ESCO2: variants seen among roughly 807,000 people sequenced by gnomAD.
The protein encoded by ESCO2 is establishment of sister chromatid cohesion N-acetyltransferase 2.
In ESCO2, 51 loss-of-function variants were observed where a neutral mutation model predicts 61.7. That is an observed-to-expected ratio of 0.83 (90% CI 0.66 to 1.04). ESCO2 has a LOEUF of 1.04. Among genes scored for constraint, ESCO2 ranks in the 50% least tolerant of loss-of-function variants. ESCO2 has a pLI of 0.00. For synonymous variants in ESCO2, 230 were observed against 238.2 expected, an observed-to-expected ratio of 0.97 and a Z score of 0.32; for missense variants, 692 against 686.2, an observed-to-expected ratio of 1.01 and a Z score of -0.09.
chr8:27,794,375 CAT>C (rs934194124), intron 9 of ESCO2, among the ~76,000 whole-genome samples: 3 of 152,114 alleles, frequency 2.0e-5, no homozygotes, highest in African/African-American at 2.4e-5. Context: ...AGCATTTTTT[CAT>C]ATGTCTGTTC....
Position 27,775,556 on chromosome 8 carries a change from G to T in ESCO2, c.42G>T (p.Leu14Phe). The T allele has an allele frequency of 6.2e-7, 1 of 1,614,142 alleles. No individual in the cohort carries two copies. Among genetic ancestry groups the T allele is most frequent in the Non-Finnish European group, 8.5e-7 (1 of 1,179,994 alleles). Residue 14 changes from leucine (L) to phenylalanine (F), a missense_variant, in exon 2 of 11, where the codon TTG (leucine) becomes TTT (phenylalanine). Leu to Phe is a conservative substitution (Grantham distance 22, BLOSUM62 0). Transcript: ENST00000305188. ...CAAGGAAGAGGAAGCAGGATTCTTT[G>T]AAGTGTGACAGGTGAATCTCAGCCT... is the stretch of plus-strand genomic sequence containing the variant. The part of the protein sequence containing the change: ...LTPRKRKQDS[L>F]KCDSLLHFTE...
Position 27,777,135 on chromosome 8 carries a change from G to C in ESCO2, c.827G>C (p.Ser276Thr), listed in dbSNP as rs1804812678. The change falls in exon 3 of 11, where the codon AGT (serine) becomes ACT (threonine). Residue 276 changes from serine (S) to threonine (T), a missense_variant. By Grantham distance (58) the Ser-to-Thr change is moderately conservative (BLOSUM62 1). Transcript: ENST00000305188. ...GAGAAATTGAAAATTGGACTACTGA[G>C]TGCAAGCAGTAAAAATAAAGAGAAA... ...LEEKLKIGLL[S>T]ASSKNKEKLI... The C allele has an allele frequency of 1.3e-6, 2 of 1,599,784 alleles. No individual in the cohort carries two copies. The highest frequency in any genetic ancestry group is 1.7e-6 in the Non-Finnish European group (2 of 1,176,782).
At chr8:27,814,548 C>T (rs1295095723), downstream of ESCO2, among the ~76,000 whole-genome samples, 2 of 151,844 alleles carry the variant, frequency 1.3e-5, no homozygotes, top group Admixed American at 1.3e-4. Flanking sequence ...TTATTCCCTT[C>T]CTTTGGATTT....
chr8:27,789,942 A>G (rs1450039628), intron 7 of ESCO2, among the ~76,000 whole-genome samples: 1 of 152,208 alleles, frequency 6.6e-6, no homozygotes, highest in Non-Finnish European at 1.5e-5. Context: ...GAAAGTGTGT[A>G]TGTGTGTAGT....
chr8:27,775,635 A>G, intron 2 of ESCO2, 68 bp downstream of exon 2: 5 of 1,532,952 alleles, frequency 3.3e-6, no homozygotes, highest in Non-Finnish European at 3.6e-6. Flanking sequence ...GTTCTCTCCT[A>G]TTTTCTAAAA....
rs563166470 is a variant in ESCO2 at position 27,803,831 on chromosome 8, C to T, written c.*393C>T. ...CTTAGACCAGGATTATCTAATGCCA[C>T]ATCAGAAGCAAACAGGCAAATTTAA... On this transcript the variant is annotated 3_prime_UTR_variant, in exon 11 of 11. Transcript: ENST00000305188. 3.0e-6 allele frequency: 3 copies of T among 991,454 alleles called. No individual in the cohort carries two copies. The highest frequency in any genetic ancestry group is 9.2e-5 in the South Asian group (2 of 21,754). 61.4% of individuals were successfully genotyped at this position (991,454 alleles called of 1,614,324 possible). A position where few individuals can be genotyped will look rare whatever the true frequency, so the allele number is the denominator to read the frequency against.
intron 9 of ESCO2, among the ~76,000 whole-genome samples, chr8:27,798,324 G>A (rs1288477647): frequency 2.0e-5 from 3 of 152,292 alleles, no homozygotes; most frequent in Admixed American, 6.5e-5. Flanking sequence ...GCTGGGCGTG[G>A]TGGTGCATGC....
intron 9 of ESCO2, among the ~76,000 whole-genome samples, chr8:27,797,259 C>T (rs1322337587): frequency 6.6e-6 from 1 of 152,092 alleles, no homozygotes; most frequent in Non-Finnish European, 1.5e-5. Context: ...TATTTAGGTG[C>T]TCCAATGTTA....
At chr8:27,794,033 G>A (rs982119350) in intron 9 of ESCO2, among the ~76,000 whole-genome samples, 2 of 151,918 alleles carry the variant, frequency 1.3e-5, no homozygotes, top group Non-Finnish European at 2.9e-5. Flanking sequence ...TTAGCATGAT[G>A]TCCTCCAGGT....
Position 27,804,130 on chromosome 8 carries a change from AG to A in ESCO2, c.*693del. 1 of 985,414 alleles carries A rather than the reference AG, an allele frequency of 1.0e-6. No homozygotes were observed. Among genetic ancestry groups the A allele is most frequent in the Non-Finnish European group, 1.2e-6 (1 of 829,894 alleles). 61.0% of individuals were successfully genotyped at this position (985,414 alleles called of 1,614,324 possible). A position where few individuals can be genotyped will look rare whatever the true frequency, so the allele number is the denominator to read the frequency against. ...AAATGTTTAGAATTTATTTGTAACA[AG>A]ATGGTAAGGAATAAGATTATCCCAT... On this transcript the variant is annotated 3_prime_UTR_variant, in exon 11 of 11. Transcript: ENST00000305188.
intron 7 of ESCO2, among the ~76,000 whole-genome samples, chr8:27,789,258 C>T (rs1805119824): frequency 6.6e-6 from 1 of 152,178 alleles, no homozygotes; most frequent in South Asian, 2.1e-4. Context: ...CCCATGACTT[C>T]TCCAGGTTTT....
Position 27,776,959 on chromosome 8 carries a change from T to A in ESCO2, c.651T>A (p.Ser217=), listed in dbSNP as rs1804807094. 2.5e-6 allele frequency: 4 copies of A among 1,612,978 alleles called. No individual in the cohort carries two copies. Among genetic ancestry groups the A allele is most frequent in the African/African-American group, 1.3e-5 (1 of 74,780 alleles). The change falls in exon 3 of 11, where the codon TCT becomes TCA. Residue 217 remains serine, a synonymous_variant. Transcript: ENST00000305188. The part of the protein sequence containing the change: ...GGAAFFVRKK[S]SLRKSSLENE... ...CAGCATTTTTTGTTAGAAAAAAATC[T>A]TCTCTTAGAAAATCGTCCCTGGAAA... is the stretch of plus-strand genomic sequence containing the variant.
At chr8:27,801,554 A>G (rs1334354288) in intron 10 of ESCO2, among the ~76,000 whole-genome samples, 1 of 152,184 alleles carries the variant, frequency 6.6e-6, no homozygotes, top group Non-Finnish European at 1.5e-5. Context: ...TAAATTTGGT[A>G]TGAGGAATAC....
At chr8:27,787,543 T>G (rs999133856) in intron 5 of ESCO2, among the ~76,000 whole-genome samples, 1 of 152,190 alleles carries the variant, frequency 6.6e-6, no homozygotes, top group Non-Finnish European at 1.5e-5. Flanking sequence ...TCCTAAGATT[T>G]GATAAAGCAA....
downstream of ESCO2, among the ~76,000 whole-genome samples, chr8:27,814,220 A>G (rs72609986): frequency 0.16 from 23,939 of 152,154 alleles, 2,392 homozygotes; most frequent in East Asian, 0.37. Context: ...CTTAGTAGAC[A>G]TAGGGCTATG....
At chr8:27,815,129 T>C (rs1417194142), downstream of ESCO2, among the ~76,000 whole-genome samples, 1 of 152,214 alleles carries the variant, frequency 6.6e-6, no homozygotes, top group Non-Finnish European at 1.5e-5. Flanking sequence ...AGGAAAGTTC[T>C]GCCCTGAGAG....
At position 27,795,347 on chromosome 8, in the gene ESCO2, TACTG is replaced by T. The variant is rs1423688398; in HGVS notation, c.1497+2540_1497+2543del. On this transcript the variant is annotated intron_variant, in intron 9 of 10. Transcript: ENST00000305188. ...GTTTGTTTTTCCTGTATAGAAACAC[TACTG>T]ACTTTTGTATGTTGATTTTGTATCC... 3.9e-5 allele frequency among the ~76,000 whole-genome samples: 6 copies of T among 152,338 alleles called. No homozygotes were observed. The East Asian group carries it at 1.2e-3, about 29-fold the overall frequency.
Position 27,803,543 on chromosome 8 carries a change from CACTCAT to C in ESCO2, c.*108_*113del. The C allele has an allele frequency of 2.8e-6, 4 of 1,438,292 alleles. No individual in the cohort carries two copies. The South Asian group carries it at 3.8e-5, about 14-fold the overall frequency. 89.1% of individuals were successfully genotyped at this position (1,438,292 alleles called of 1,614,324 possible). ...TCAAAATAAAAAATACCGAGACTCA[CACTCAT>C]ACACACACACACACACACGCACACA... On this transcript the variant is annotated 3_prime_UTR_variant, in exon 11 of 11. Transcript: ENST00000305188.
intron 9 of ESCO2, among the ~76,000 whole-genome samples, chr8:27,797,827 C>T (rs1805335004): frequency 6.6e-6 from 1 of 152,042 alleles, no homozygotes; most frequent in Non-Finnish European, 1.5e-5. Context: ...CTTTTTTTCC[C>T]TTCAACATTA....
Sources: gnomAD v4.1 joint callset for allele counts (sites outside exome capture counted in the v4.1 genomes callset) on GRCh38, gnomAD v4.1.1 for gene constraint, MANE v1.5 for transcripts, NCBI Gene and HGNC (gene_info 2026-07-23, HGNC 2026-07-21) for gene names.